The following VIT variants were observed in gnomAD, a reference collection of about 807,000 sequenced individuals.
VIT encodes vitrin.
VIT carries 99 observed loss-of-function variants against 78.0 expected under a neutral mutation model. The observed-to-expected ratio is 1.27, with a 90% CI of 1.08 to 1.50. The LOEUF (loss-of-function observed/expected upper bound fraction) is 1.50, where lower values mean the gene tolerates loss of function less well. Ranked by LOEUF, VIT falls within the 40% of genes most tolerant of loss-of-function variation. The pLI is 0.00. For synonymous variants in VIT, 374 were observed against 334.3 expected (o/e 1.12, Z -1.29); for missense variants, 1,126 against 875.3 (o/e 1.29, Z -3.61).
chr2:36,777,360 C>T (rs1018130413), intron 9 of VIT, among the ~76,000 whole-genome samples: 1 of 151,728 alleles, frequency 6.6e-6, no homozygotes, highest in Non-Finnish European at 1.5e-5. Flanking sequence ...TTTTTTATAT[C>T]TCATCTTTTC....
chr2:36,729,624 A>G (rs1426442728), intron 3 of VIT, 133 bp downstream of exon 3: 6 of 875,326 alleles, frequency 6.9e-6, no homozygotes, highest in Non-Finnish European at 1.0e-5. Context: ...ACTCAGATTA[A>G]TTAGTGATAA....
chr2:36,716,869 CTTTTTTTTTTT>C (rs557873230), intron 2 of VIT, among the ~76,000 whole-genome samples: 1 of 78,698 alleles, frequency 1.3e-5, no homozygotes, highest in South Asian at 5.4e-4. Context: ...AGAGATGATT[CTTTTTTTTTTT>C]TTTTTTTTTT....
intron 5 of VIT, among the ~76,000 whole-genome samples, chr2:36,756,244 C>G: frequency 6.6e-6 from 1 of 152,138 alleles, no homozygotes; most frequent in Non-Finnish European, 1.5e-5. Flanking sequence ...AAGCATGAGC[C>G]ACCACGCCCA....
At chr2:36,723,064 C>G (rs1666612943) in intron 2 of VIT, among the ~76,000 whole-genome samples, 1 of 151,482 alleles carries the variant, frequency 6.6e-6, no homozygotes. Context: ...AATAATTCCT[C>G]CATTATTAAC....
chr2:36,707,664 T>G (rs1413635322), intron 1 of VIT, among the ~76,000 whole-genome samples: 2 of 152,148 alleles, frequency 1.3e-5, no homozygotes, highest in Non-Finnish European at 2.9e-5. Context: ...AAATCGGGAT[T>G]CTGTTAGGAA....
At chr2:36,752,456 C>G (rs988401642) in intron 4 of VIT, among the ~76,000 whole-genome samples, 6 of 152,188 alleles carry the variant, frequency 3.9e-5, no homozygotes, top group African/African-American at 1.4e-4. Context: ...AGGTGAACAT[C>G]AAGGCCATGC....
chr2:36,791,957 G>C (rs918049916), intron 12 of VIT, among the ~76,000 whole-genome samples: 1 of 152,108 alleles, frequency 6.6e-6, no homozygotes, highest in Non-Finnish European at 1.5e-5. Flanking sequence ...GGAGTGGGAG[G>C]GGCTGGGGCA....
intron 6 of VIT, among the ~76,000 whole-genome samples, chr2:36,765,435 A>AGAG (rs1553372934): frequency 0.081 from 11,006 of 135,066 alleles, 703 homozygotes; most frequent in African/African-American, 0.11. Context: ...GAGAGAGAGA[A>AGAG]AGAGAGAGAG....
chr2:36,746,964 G>A (rs759582488), intron 4 of VIT, among the ~76,000 whole-genome samples: 2 of 152,066 alleles, frequency 1.3e-5, no homozygotes, highest in South Asian at 2.1e-4. Context: ...CACTCAAAAC[G>A]CTTTCACTGC....
chr2:36,773,299 T>C (rs1669862885), intron 7 of VIT, among the ~76,000 whole-genome samples: 2 of 151,370 alleles, frequency 1.3e-5, no homozygotes, highest in African/African-American at 4.9e-5. Flanking sequence ...AGTTTTTAGT[T>C]GGTGTTTTAG....
chr2:36,723,967 A>AGAGGG (rs1666674502), intron 2 of VIT, among the ~76,000 whole-genome samples: 1 of 99,024 alleles, frequency 1.0e-5, no homozygotes, highest in Non-Finnish European at 2.1e-5. Context: ...AAAAGAAAAG[A>AGAGGG]GAGGGGAGGG....
chr2:36,763,016 A>T lies in VIT; in HGVS notation c.487+3970A>T, dbSNP rs142146652. On this transcript the variant is annotated intron_variant, in intron 6 of 15. Transcript: ENST00000379242. The stretch of plus-strand genomic sequence containing the variant: ...AGTGTTGCTTTGTAGAAGTTTTTTT[A>T]AAAAAAACTAGGAAGGCACATTCCT... Among the ~76,000 whole-genome samples, 666 of 146,220 alleles carry T rather than the reference A, an allele frequency of 4.6e-3. 6 individuals carry two copies. The highest frequency in any genetic ancestry group is 0.014 in the African/African-American group (561 of 40,564).
chr2:36,719,643 TA>T (rs1466681126), intron 2 of VIT, among the ~76,000 whole-genome samples: 1 of 152,174 alleles, frequency 6.6e-6, no homozygotes, highest in Non-Finnish European at 1.5e-5. Flanking sequence ...TTGAAAATTA[TA>T]AAACGTTGAT....
intron 12 of VIT, among the ~76,000 whole-genome samples, chr2:36,801,096 G>A (rs1268980852): frequency 6.6e-6 from 1 of 152,118 alleles, no homozygotes. Context: ...GCCAGGAAAT[G>A]GCACAGTCAA....
chr2:36,787,161 GGGAGC>G lies in VIT; in HGVS notation c.944_948del (p.Gly315AspfsTer17), dbSNP rs750430486. The G allele has an allele frequency of 6.2e-7, 1 of 1,613,492 alleles. No individual in the cohort carries two copies. On this transcript the variant is annotated frameshift_variant, in exon 12 of 16. Transcript: ENST00000379242. LOFTEE classifies it high-confidence loss of function. ...AATTGACTTGTCGTTTTTAATTGAT[GGGAGC>G]ACCAGCATTGGCAAACGGCGATTCC...
intron 7 of VIT, among the ~76,000 whole-genome samples, chr2:36,768,636 G>A (rs1270345127): frequency 6.6e-6 from 1 of 152,132 alleles, no homozygotes; most frequent in African/African-American, 2.4e-5. Context: ...ACACAGCTGG[G>A]AAGTGGCAGA....
At chr2:36,807,979 C>T (rs1666852836) in intron 14 of VIT, among the ~76,000 whole-genome samples, 1 of 152,214 alleles carries the variant, frequency 6.6e-6, no homozygotes, top group Admixed American at 6.5e-5. Context: ...AACATGTGGT[C>T]ATTCAGCAAC....
At chr2:36,727,217 T>C (rs373461779) in intron 2 of VIT, among the ~76,000 whole-genome samples, 2 of 151,772 alleles carry the variant, frequency 1.3e-5, no homozygotes, top group African/African-American at 4.8e-5. Context: ...GTGCCTTTCT[T>C]TCCCAGACAG....
At chr2:36,725,607 G>A (rs979487162) in intron 2 of VIT, among the ~76,000 whole-genome samples, 1 of 101,488 alleles carries the variant, frequency 9.9e-6, no homozygotes, top group Non-Finnish European at 1.8e-5. Flanking sequence ...AGGGGTGGGG[G>A]GGGGGTGGGT....
Sources: gnomAD v4.1 joint callset for allele counts (sites outside exome capture counted in the v4.1 genomes callset) on GRCh38, gnomAD v4.1.1 for gene constraint, MANE v1.5 for transcripts, NCBI Gene and HGNC (gene_info 2026-07-23, HGNC 2026-07-21) for gene names.